The following PTPN12 variants were observed in gnomAD, a reference collection of about 807,000 sequenced individuals.
PTPN12 encodes the protein tyrosine-protein phosphatase non-receptor type 12.
A neutral mutation model predicts 97.6 loss-of-function variants in PTPN12; 29 were observed. The ratio of observed to expected loss-of-function variants is 0.30; its 90% CI spans 0.22 to 0.41. The LOEUF (loss-of-function observed/expected upper bound fraction) is 0.41. Ranked by LOEUF, PTPN12 falls within the 10% of genes least tolerant of loss-of-function variation. The pLI, the probability that PTPN12 is intolerant of heterozygous loss-of-function variation, is 1.00. For missense variants in PTPN12, 819 were observed against 926.0 expected, an observed-to-expected ratio of 0.88 and a Z score of 1.50; for synonymous variants, 327 against 300.4, an observed-to-expected ratio of 1.09 and a Z score of -0.91.
chr7:77,630,188 A>G (rs1789349558), intron 13 of PTPN12, among the ~76,000 whole-genome samples: 1 of 152,166 alleles, frequency 6.6e-6, no homozygotes, highest in Non-Finnish European at 1.5e-5. Flanking sequence ...AATATTTACC[A>G]TATGGATTAT....
At chr7:77,581,303 G>A in intron 2 of PTPN12, 124 bp from the exon 3 acceptor site, 1 of 518,434 alleles carries the variant, frequency 1.9e-6, no homozygotes, top group Non-Finnish European at 3.3e-6. Flanking sequence ...GGTACCTAGA[G>A]TCCATTTTCA....
chr7:77,611,335 A>G (rs1463478920), intron 11 of PTPN12, among the ~76,000 whole-genome samples: 1 of 152,150 alleles, frequency 6.6e-6, no homozygotes, highest in Non-Finnish European at 1.5e-5. Context: ...AAATAATTGC[A>G]TTGTTCTCTT....
chr7:77,573,090 A>C (rs1423161321), intron 2 of PTPN12, among the ~76,000 whole-genome samples: 1 of 118,768 alleles, frequency 8.4e-6, no homozygotes, highest in Non-Finnish European at 1.7e-5. Context: ...CTCAAAAAAA[A>C]AAAAAACAAA....
At chr7:77,539,695 C>G (rs1462951534) in intron 1 of PTPN12, among the ~76,000 whole-genome samples, 1 of 152,108 alleles carries the variant, frequency 6.6e-6, no homozygotes, top group Non-Finnish European at 1.5e-5. Flanking sequence ...GCGGCGCAAT[C>G]TCAGCTCACT....
At chr7:77,621,098 TTTTATTTA>T (rs368653341) in intron 12 of PTPN12, among the ~76,000 whole-genome samples, 83 of 151,694 alleles carry the variant, frequency 5.5e-4, no homozygotes, top group African/African-American at 1.7e-3. Context: ...TATATTTCAT[TTTTATTTA>T]TTTATTTATT....
chr7:77,572,249 C>A (rs978846834), intron 2 of PTPN12, among the ~76,000 whole-genome samples: 7 of 152,044 alleles, frequency 4.6e-5, no homozygotes, highest in African/African-American at 1.7e-4. Context: ...ATACAGGTGC[C>A]TGCCACCATA....
At chr7:77,537,977 C>G in intron 1 of PTPN12, 1 of 794,544 alleles carries the variant, frequency 1.3e-6, no homozygotes, top group Non-Finnish European at 1.4e-6. Context: ...GAGGTGCAGG[C>G]CGGGGGGGGG....
chr7:77,555,231 T>G (rs1807654450), intron 1 of PTPN12, among the ~76,000 whole-genome samples: 1 of 152,052 alleles, frequency 6.6e-6, no homozygotes, highest in African/African-American at 2.4e-5. Flanking sequence ...TTTTTTTTTT[T>G]TGTAGTTTGA....
intron 2 of PTPN12, among the ~76,000 whole-genome samples, chr7:77,572,662 C>T (rs1787184203): frequency 6.6e-6 from 1 of 152,164 alleles, no homozygotes; most frequent in African/African-American, 2.4e-5. Context: ...AATCCTGACT[C>T]CACCAGTTGC....
chr7:77,604,564 T>C (rs1259417563), intron 8 of PTPN12, among the ~76,000 whole-genome samples: 3 of 152,124 alleles, frequency 2.0e-5, no homozygotes, highest in Non-Finnish European at 1.5e-5. Context: ...ACATTAACTT[T>C]TATTCATGTT....
chr7:77,611,566 T>A (rs1788570119), intron 11 of PTPN12, among the ~76,000 whole-genome samples: 2 of 152,222 alleles, frequency 1.3e-5, no homozygotes, highest in African/African-American at 2.4e-5. Flanking sequence ...TGCCTCAGCC[T>A]CCTGAGTAGC....
intron 6 of PTPN12, among the ~76,000 whole-genome samples, chr7:77,597,591 A>C (rs950142627): frequency 6.6e-6 from 1 of 152,134 alleles, no homozygotes; most frequent in Non-Finnish European, 1.5e-5. Flanking sequence ...TTAATGGGGT[A>C]CATGTGATTT....
At chr7:77,564,753 T>G (rs1325168418) in intron 1 of PTPN12, among the ~76,000 whole-genome samples, 6 of 81,628 alleles carry the variant, frequency 7.4e-5, no homozygotes, top group African/African-American at 3.3e-4. Context: ...CGTGTTTTTT[T>G]TTTTTTTTTT....
At chr7:77,570,404 A>G (rs1380046729) in intron 1 of PTPN12, among the ~76,000 whole-genome samples, 1 of 152,236 alleles carries the variant, frequency 6.6e-6, no homozygotes, top group African/African-American at 2.4e-5. Flanking sequence ...TCAGCAATGT[A>G]GTTGTGTAGA....
intron 2 of PTPN12, among the ~76,000 whole-genome samples, chr7:77,575,556 T>C (rs573653042): frequency 1.1e-4 from 17 of 152,336 alleles, no homozygotes; most frequent in Admixed American, 5.2e-4. Flanking sequence ...TTGCATGTTT[T>C]AACATGTGCA....
chr7:77,621,183 G>A (rs1200115789), intron 12 of PTPN12, among the ~76,000 whole-genome samples: 1 of 151,258 alleles, frequency 6.6e-6, no homozygotes, highest in Non-Finnish European at 1.5e-5. Flanking sequence ...GCATACACAG[G>A]GTCAGGATCA....
intron 16 of PTPN12, among the ~76,000 whole-genome samples, chr7:77,638,209 C>T (rs1021727271): frequency 1.3e-5 from 2 of 151,774 alleles, no homozygotes; most frequent in African/African-American, 4.8e-5. Flanking sequence ...CGGCTCGCCT[C>T]GGCCTCCCAA....
intron 8 of PTPN12, among the ~76,000 whole-genome samples, chr7:77,605,946 T>C (rs562611543): frequency 0.02 from 247 of 12,558 alleles, 1 homozygote; most frequent in African/African-American, 0.053. Flanking sequence ...AAGAGCCATC[T>C]TTTTTTTTTT....
rs61321979 is a variant in PTPN12 at position 77,613,628 on chromosome 7, C to G, written c.939+2582C>G. On this transcript the variant is annotated intron_variant, in intron 11 of 17. Coordinates refer to ENST00000248594, the MANE Select transcript of PTPN12 (RefSeq NM_002835.4). ...CAGCACTTTGGGAGGCCGAAGCAGG[C>G]AGGATCACCTGAGGCCAAGAGTTGA... 1.0e-3 allele frequency among the ~76,000 whole-genome samples: 159 copies of G among 152,118 alleles called. 1 individual carries two copies. Among genetic ancestry groups the G allele is most frequent in the African/African-American group, 3.6e-3 (148 of 41,550 alleles).
Sources: gnomAD v4.1 joint callset for allele counts (sites outside exome capture counted in the v4.1 genomes callset) on GRCh38, gnomAD v4.1.1 for gene constraint, MANE v1.5 for transcripts, NCBI Gene and HGNC (gene_info 2026-07-23, HGNC 2026-07-21) for gene names.